PRKCE: variants seen among roughly 807,000 people sequenced by gnomAD.
PRKCE encodes protein kinase C epsilon type.
Under a neutral mutation model 85.4 loss-of-function variants are expected in PRKCE, and 16 were observed. The observed-to-expected ratio is 0.19, with a 90% confidence interval of 0.13 to 0.28. PRKCE has a LOEUF of 0.28. PRKCE is among the 10% of genes least tolerant of loss of function. PRKCE has a pLI of 1.00. For missense variants in PRKCE, 573 were observed against 975.2 expected, an observed-to-expected ratio of 0.59 and a Z score of 5.49; for synonymous variants, 388 against 371.5, an observed-to-expected ratio of 1.04 and a Z score of -0.51.
chr2:46,174,428 T>C (rs1187553879), intron 14 of PRKCE, among the ~76,000 whole-genome samples: 1 of 152,252 alleles, frequency 6.6e-6, no homozygotes, highest in African/African-American at 2.4e-5. Flanking sequence ...GATAACTTTT[T>C]TAAAATCGAA....
chr2:46,040,612 C>A (rs1708161549), intron 10 of PRKCE, among the ~76,000 whole-genome samples: 1 of 152,146 alleles, frequency 6.6e-6, no homozygotes, highest in African/African-American at 2.4e-5. Flanking sequence ...CACCAGAAGA[C>A]CTCTTGTACT....
chr2:46,037,008 G>T (rs2104979866), intron 10 of PRKCE, among the ~76,000 whole-genome samples: 1 of 152,310 alleles, frequency 6.6e-6, no homozygotes, highest in South Asian at 2.1e-4. Context: ...CCCAGCAGCT[G>T]CCAGGACGGA....
At chr2:45,978,774 C>G (rs1702656373) in intron 3 of PRKCE, 3 of 560,292 alleles carry the variant, frequency 5.4e-6, no homozygotes, top group East Asian at 6.0e-5. Context: ...TTGCACCTCC[C>G]CAAGCACTGG....
chr2:45,889,861 G>A (rs1010312090), intron 2 of PRKCE, among the ~76,000 whole-genome samples: 13 of 152,310 alleles, frequency 8.5e-5, no homozygotes, highest in African/African-American at 3.1e-4. Context: ...ATTAACATGT[G>A]GGCTGCAACT....
chr2:46,169,708 G>T (rs1678703717), intron 14 of PRKCE, among the ~76,000 whole-genome samples: 1 of 152,184 alleles, frequency 6.6e-6, no homozygotes, highest in South Asian at 2.1e-4. Context: ...CGCAGCAGCT[G>T]ACATATCAGC....
At chr2:45,815,524 G>A (rs912399368) in intron 1 of PRKCE, among the ~76,000 whole-genome samples, 7 of 151,962 alleles carry the variant, frequency 4.6e-5, no homozygotes, top group African/African-American at 9.7e-5. Context: ...TTTCTTCCTC[G>A]GTCCCCTCCA....
intron 1 of PRKCE, among the ~76,000 whole-genome samples, chr2:45,799,108 G>T (rs1242721458): frequency 1.3e-5 from 2 of 151,680 alleles, no homozygotes; most frequent in Admixed American, 6.6e-5. Context: ...GGAGCTTGCA[G>T]TAACCTGAGA....
At chr2:45,723,266 C>G (rs1041154310) in intron 1 of PRKCE, among the ~76,000 whole-genome samples, 9 of 152,166 alleles carry the variant, frequency 5.9e-5, no homozygotes, top group African/African-American at 2.2e-4. Flanking sequence ...TGCCGTGACT[C>G]CTCCCTGTTA....
At chr2:45,982,817 C>G (rs1374359010) in intron 5 of PRKCE, among the ~76,000 whole-genome samples, 2 of 152,212 alleles carry the variant, frequency 1.3e-5, no homozygotes, top group Non-Finnish European at 2.9e-5. Context: ...GTAGCTCTTT[C>G]CACCCCCACA....
chr2:46,146,303 G>T lies in PRKCE; in HGVS notation c.1731+1072G>T, dbSNP rs535253267. On this transcript the variant is annotated intron_variant, in intron 12 of 14. Transcript: ENST00000306156. ...CAATCCCCACTAAACATCGCCCATG[G>T]CGGATAGGTATTAGCACATTCAGAG... is the stretch of plus-strand genomic sequence containing the variant. 9.7e-4 allele frequency among the ~76,000 whole-genome samples: 148 copies of T among 152,374 alleles called. 1 individual carries two copies. The highest frequency in any genetic ancestry group is 3.5e-3 in the African/African-American group (144 of 41,600).
chr2:45,886,298 C>A (rs939859839), intron 2 of PRKCE, among the ~76,000 whole-genome samples: 2 of 152,146 alleles, frequency 1.3e-5, no homozygotes, highest in Admixed American at 1.3e-4. Context: ...CTCTGAGCTC[C>A]GTAGCCTGTG....
At chr2:45,956,631 G>A (rs1037551714) in intron 2 of PRKCE, among the ~76,000 whole-genome samples, 2 of 152,114 alleles carry the variant, frequency 1.3e-5, no homozygotes, top group Non-Finnish European at 1.5e-5. Flanking sequence ...GTTGCAGTGA[G>A]CCAAGGTCGC....
chr2:45,666,665 G>A (rs756755950), intron 1 of PRKCE, among the ~76,000 whole-genome samples: 25 of 151,882 alleles, frequency 1.6e-4, no homozygotes, highest in African/African-American at 4.6e-4. Flanking sequence ...TTGGAATTGC[G>A]GTAACATTTA....
intron 2 of PRKCE, among the ~76,000 whole-genome samples, chr2:45,931,535 A>G (rs1465761589): frequency 2.6e-5 from 4 of 152,206 alleles, no homozygotes; most frequent in Admixed American, 6.5e-5. Context: ...AGCCACATGC[A>G]TTCTTTTGCT....
rs116995641 is a variant in PRKCE at position 46,027,179 on chromosome 2, A to G, written c.1437+16662A>G. Among the ~76,000 whole-genome samples the G allele has an allele frequency of 7.1e-4, 108 of 152,226 alleles. No homozygotes were observed. The East Asian group carries it at 9.8e-3, about 14-fold the overall frequency. ...GCAAGACCCTGTCTCAAAAATAAAT[A>G]AAAGAATTAGCCAGGGATGGTGGCA... On this transcript the variant is annotated intron_variant, in intron 10 of 14. Coordinates refer to ENST00000306156, the MANE Select transcript of PRKCE (RefSeq NM_005400.3).
intron 1 of PRKCE, among the ~76,000 whole-genome samples, chr2:45,833,369 C>T (rs549281942): frequency 1.3e-5 from 2 of 152,258 alleles, no homozygotes; most frequent in Admixed American, 1.3e-4. Flanking sequence ...ATCTCAATCC[C>T]AGCCCTGAAT....
intron 1 of PRKCE, among the ~76,000 whole-genome samples, chr2:45,741,233 A>G (rs973817959): frequency 3.3e-5 from 5 of 152,194 alleles, no homozygotes; most frequent in African/African-American, 1.2e-4. Flanking sequence ...GGACCTTTGT[A>G]TGTTCAGCAA....
At chr2:45,976,398 C>T (rs372976989) in intron 2 of PRKCE, 31 bp from the exon 3 acceptor site, 16 of 1,592,308 alleles carry the variant, frequency 1.0e-5, no homozygotes, top group Middle Eastern at 1.7e-4. Context: ...ACCCAGACTC[C>T]GTTTTCTTCC....
intron 6 of PRKCE, among the ~76,000 whole-genome samples, chr2:45,998,929 C>T (rs1265539329): frequency 7.2e-5 from 11 of 152,228 alleles, no homozygotes; most frequent in African/African-American, 2.6e-4. Flanking sequence ...TATTGTGCTG[C>T]TTCATGACAG....
Sources: allele counts gnomAD v4.1 joint callset (sites outside exome capture counted in the v4.1 genomes callset), GRCh38; gene constraint gnomAD v4.1.1; transcripts MANE v1.5; gene names NCBI Gene and HGNC (gene_info 2026-07-23, HGNC 2026-07-21).